Variants in SGPL1 observed in about 807,000 individuals in gnomAD.
SGPL1 encodes the protein sphingosine-1-phosphate lyase 1.
A neutral mutation model predicts 68.9 loss-of-function variants in SGPL1; 37 were observed. The ratio of observed to expected loss-of-function variants is 0.54; its 90% CI spans 0.41 to 0.71. The LOEUF (loss-of-function observed/expected upper bound fraction) is 0.71, where lower values mean the gene tolerates loss of function less well. SGPL1 is among the 30% of genes least tolerant of loss of function. The pLI, the probability that SGPL1 is intolerant of heterozygous loss-of-function variation, is 0.00. For missense variants in SGPL1, 551 were observed against 704.6 expected (o/e 0.78, Z 2.47); for synonymous variants, 236 against 248.5 (o/e 0.95, Z 0.47).
intron 2 of SGPL1, among the ~76,000 whole-genome samples, chr10:70,843,685 T>A (rs1018100683): frequency 2.0e-5 from 3 of 152,182 alleles, no homozygotes; most frequent in Non-Finnish European, 4.4e-5. Flanking sequence ...CCAGGTGTTG[T>A]GAGGAATACA....
chr10:70,855,425 G>A (rs536688077), intron 5 of SGPL1, among the ~76,000 whole-genome samples: 9 of 152,326 alleles, frequency 5.9e-5, no homozygotes, highest in Admixed American at 2.0e-4. Flanking sequence ...GCTTAAGAGC[G>A]TAACCCTGGA....
chr10:70,867,773 C>T (rs529899463), intron 7 of SGPL1, among the ~76,000 whole-genome samples: 1 of 151,728 alleles, frequency 6.6e-6, no homozygotes, highest in Admixed American at 6.6e-5. Flanking sequence ...TTTAGGAAAA[C>T]ATTTCACTTC....
intron 2 of SGPL1, among the ~76,000 whole-genome samples, chr10:70,818,532 G>A (rs776982217): frequency 1.3e-5 from 2 of 152,194 alleles, no homozygotes; most frequent in South Asian, 2.1e-4. Flanking sequence ...GTGGGTTGGC[G>A]TCACTGGGAA....
chr10:70,851,290 C>A, intron 4 of SGPL1, 80 bp downstream of exon 4: 1 of 1,225,420 alleles, frequency 8.2e-7, no homozygotes, highest in Non-Finnish European at 1.2e-6. Flanking sequence ...ACCTAATATT[C>A]TCAAAGTGGA....
chr10:70,834,382 C>A (rs568007665), intron 2 of SGPL1, among the ~76,000 whole-genome samples: 101 of 152,232 alleles, frequency 6.6e-4, no homozygotes, highest in Middle Eastern at 6.8e-3. Flanking sequence ...AGTTTGAAAC[C>A]AGGGAAGGCA....
chr10:70,816,859 T>C lies in SGPL1; in HGVS notation c.6T>C (p.Pro2=), dbSNP rs550928228. ...GAGGAGGCTGGAAGAGGAAGATGCCTAGCACAGACCTTCTGATGTTGGTGA... is the reference window on the plus strand; with the variant it reads ...GAGGAGGCTGGAAGAGGAAGATGCCCAGCACAGACCTTCTGATGTTGGTGA... M[P]STDLLMLKAF... The change falls in exon 2 of 15, where the codon CCT becomes CCC. Residue 2 remains proline, a synonymous_variant. Coordinates refer to ENST00000373202, the MANE Select transcript of SGPL1 (RefSeq NM_003901.4). 42 of 1,614,124 alleles carry C rather than the reference T, an allele frequency of 2.6e-5. No individual in the cohort carries two copies. The African/African-American group carries it at 4.8e-4, about 18-fold the overall frequency.
At chr10:70,869,981 A>T in intron 9 of SGPL1, 84 bp downstream of exon 9, 2 of 1,094,624 alleles carry the variant, frequency 1.8e-6, no homozygotes, top group Admixed American at 1.9e-5. Flanking sequence ...TTCCAGTCAG[A>T]TGGGTCTGAC....
chr10:70,821,374 C>T (rs1234507645), intron 2 of SGPL1, among the ~76,000 whole-genome samples: 1 of 152,118 alleles, frequency 6.6e-6, no homozygotes, highest in Non-Finnish European at 1.5e-5. Flanking sequence ...TTTATAAAGC[C>T]AGTCTACCCC....
intron 13 of SGPL1, 101 bp downstream of exon 13, chr10:70,875,649 A>G (rs1846372066): frequency 1.2e-6 from 1 of 845,928 alleles, no homozygotes; most frequent in Admixed American, 2.3e-5. Flanking sequence ...GCTAGAGGCT[A>G]GCACGTTAGT....
intron 12 of SGPL1, 22 bp from the exon 13 acceptor site, chr10:70,875,380 T>A (rs371300110): frequency 5.5e-5 from 84 of 1,530,908 alleles, no homozygotes; most frequent in Non-Finnish European, 6.7e-5. Flanking sequence ...TTTTCTTCCT[T>A]CATTTATTTT....
intron 2 of SGPL1, among the ~76,000 whole-genome samples, chr10:70,832,176 C>T (rs1174437822): frequency 6.6e-6 from 1 of 152,168 alleles, no homozygotes; most frequent in Non-Finnish European, 1.5e-5. Flanking sequence ...ATTTACTCAG[C>T]TGCTTACTTC....
intron 3 of SGPL1, among the ~76,000 whole-genome samples, chr10:70,849,291 A>G (rs992401997): frequency 6.6e-6 from 1 of 152,268 alleles, no homozygotes; most frequent in African/African-American, 2.4e-5. Context: ...AAAATATCCA[A>G]TATTAGATTA....
intron 6 of SGPL1, among the ~76,000 whole-genome samples, chr10:70,858,772 C>T (rs1320602889): frequency 6.6e-6 from 1 of 152,182 alleles, no homozygotes; most frequent in Non-Finnish European, 1.5e-5. Context: ...ATGTGTCATG[C>T]TTTTACGTTG....
At position 70,878,909 on chromosome 10, in the gene SGPL1, TC is replaced by T. The variant is rs1482450056; in HGVS notation, c.*1577del. The T allele has an allele frequency of 6.5e-6, 1 of 152,690 alleles. No homozygotes were observed. Among genetic ancestry groups the T allele is most frequent in the Non-Finnish European group, 1.5e-5 (1 of 68,108 alleles). 9.5% of individuals were successfully genotyped at this position (152,690 alleles called of 1,614,324 possible). ...CTATGGCCCAGGGCCTGTAATCCCTTCCCAAGACTAGCTGCTCAGGGTGGTG... is the reference window on the plus strand; with the variant it reads ...CTATGGCCCAGGGCCTGTAATCCCTTCCAAGACTAGCTGCTCAGGGTGGTG... On this transcript the variant is annotated 3_prime_UTR_variant, in exon 15 of 15. Coordinates refer to ENST00000373202, the MANE Select transcript of SGPL1 (RefSeq NM_003901.4).
chr10:70,831,314 C>T lies in SGPL1; in HGVS notation c.28-13159C>T, dbSNP rs1362133838. On this transcript the variant is annotated intron_variant, in intron 2 of 14. Coordinates refer to ENST00000373202, the MANE Select transcript of SGPL1 (RefSeq NM_003901.4). The stretch of plus-strand genomic sequence containing the variant: ...CCAAGAAGCAGACATCACTGGGTGT[C>T]GCCTAATTCAATTCTGACACTGTCT... Among the ~76,000 whole-genome samples the T allele has an allele frequency of 5.3e-5, 8 of 152,070 alleles. No homozygotes were observed. The East Asian group carries it at 7.7e-4, about 15-fold the overall frequency.
intron 2 of SGPL1, among the ~76,000 whole-genome samples, chr10:70,827,073 C>T (rs1589448594): frequency 1.3e-5 from 2 of 152,296 alleles, no homozygotes; most frequent in South Asian, 4.1e-4. Context: ...ATTGTAAAGG[C>T]ATACATGCCT....
intron 2 of SGPL1, among the ~76,000 whole-genome samples, chr10:70,832,397 G>A (rs1368050675): frequency 2.0e-5 from 3 of 152,188 alleles, no homozygotes; most frequent in East Asian, 1.9e-4. Context: ...CAGCATGACT[G>A]TTGTAGGGAA....
In SGPL1 at chr10:70,867,526, C is replaced by G. The variant is rs575029392; in HGVS notation, c.616-819C>G. Among the ~76,000 whole-genome samples, 45 of 151,028 alleles carry G rather than the reference C, an allele frequency of 3.0e-4. 1 individual carries two copies. The highest frequency in any genetic ancestry group is 1.0e-3 in the African/African-American group (42 of 40,916). On this transcript the variant is annotated intron_variant, in intron 7 of 14. Coordinates refer to ENST00000373202, the MANE Select transcript of SGPL1 (RefSeq NM_003901.4). ...GCAGTGAGCCGAGATCATGCCATGG[C>G]ACTCCAGCCTGGGCAACAGAGTGAG... is the stretch of plus-strand genomic sequence containing the variant.
intron 2 of SGPL1, among the ~76,000 whole-genome samples, chr10:70,821,186 G>A (rs987768143): frequency 1.3e-5 from 2 of 152,208 alleles, no homozygotes; most frequent in African/African-American, 4.8e-5. Context: ...AATAAAATGA[G>A]TATGTTCATC....
Sources: gnomAD v4.1 joint callset for allele counts (sites outside exome capture counted in the v4.1 genomes callset) on GRCh38, gnomAD v4.1.1 for gene constraint, MANE v1.5 for transcripts, NCBI Gene and HGNC (gene_info 2026-07-23, HGNC 2026-07-21) for gene names.